The following RTF1 variants were observed in gnomAD, a reference collection of about 807,000 sequenced individuals.
RTF1 encodes RNA polymerase-associated protein RTF1 homolog.
In RTF1, 10 loss-of-function variants were observed where a neutral mutation model predicts 95.7. The ratio of observed to expected loss-of-function variants is 0.10; its 90% CI spans 0.06 to 0.18. The LOEUF (loss-of-function observed/expected upper bound fraction) is 0.18. Ranked by LOEUF, RTF1 falls within the 10% of genes least tolerant of loss-of-function variation. The pLI is 1.00. For synonymous variants in RTF1, 305 were observed against 311.8 expected (o/e 0.98, Z 0.23); for missense variants, 458 against 875.6 (o/e 0.52, Z 6.02).
chr15:41,459,408 T>A (rs2050836215), intron 4 of RTF1, among the ~76,000 whole-genome samples: 1 of 152,170 alleles, frequency 6.6e-6, no homozygotes, highest in South Asian at 2.1e-4. Flanking sequence ...AGAGATTGTT[T>A]TTGTCTTGAT....
At chr15:41,476,566 G>C (rs1243988929) in intron 12 of RTF1, 43 bp downstream of exon 12, 1 of 1,549,068 alleles carries the variant, frequency 6.5e-7, no homozygotes, top group South Asian at 1.1e-5. Context: ...CCTGTAAGGA[G>C]ATGTGGAAAT....
chr15:41,433,007 CT>C (rs2050683233), intron 1 of RTF1, among the ~76,000 whole-genome samples: 1 of 152,030 alleles, frequency 6.6e-6, no homozygotes, highest in Non-Finnish European at 1.5e-5. Context: ...AATCCCAACA[CT>C]TTGGGAGGCT....
At chr15:41,460,121 G>GTTTTTTTTTTTT (rs869235078) in intron 4 of RTF1, among the ~76,000 whole-genome samples, 18 of 83,400 alleles carry the variant, frequency 2.2e-4, no homozygotes, top group East Asian at 5.6e-4. Flanking sequence ...TTTTGTTTTT[G>GTTTTTTTTTTTT]TTTTTTTTTT....
intron 6 of RTF1, among the ~76,000 whole-genome samples, chr15:41,468,437 C>T (rs534281310): frequency 6.6e-6 from 1 of 152,122 alleles, no homozygotes; most frequent in Non-Finnish European, 1.5e-5. Flanking sequence ...CCTGCCTCAG[C>T]CTCCTGAGTA....
At chr15:41,458,693 G>A (rs1349308643) in intron 4 of RTF1, among the ~76,000 whole-genome samples, 2 of 152,112 alleles carry the variant, frequency 1.3e-5, no homozygotes, top group African/African-American at 2.4e-5. Context: ...AGGTTGCAGT[G>A]AGCTGAGATG....
rs761735334 is a variant in RTF1, at chr15:41,471,174, A to G, written c.1028A>G (p.Lys343Arg). The G allele has an allele frequency of 4.4e-6, 7 of 1,601,508 alleles. No homozygotes were observed. The highest frequency in any genetic ancestry group is 6.0e-6 in the Non-Finnish European group (7 of 1,175,332). The change falls in exon 8 of 18, where the codon AAA becomes AGA. Residue 343 changes from lysine to arginine, a missense_variant and splice_region_variant. This residue lies in a region of RTF1 where 150 missense variants were observed against 275.7 expected (regional missense o/e 0.54). Coordinates refer to ENST00000389629, the MANE Select transcript of RTF1 (RefSeq NM_015138.5). ...RTSSSDEEEEKEEIPPKSQPV... is the reference protein window; with the variant it reads ...RTSSSDEEEEREEIPPKSQPV... ...CAGTGCCCCTTTGTTCCTCTTAGGA[A>G]AGAAGAGATCCCTCCCAAATCCCAA...
intron 1 of RTF1, among the ~76,000 whole-genome samples, chr15:41,423,705 CA>C (rs369938595): frequency 1.7e-4 from 26 of 152,122 alleles, no homozygotes; most frequent in African/African-American, 6.3e-4. Context: ...AGGAAAAATA[CA>C]AAACTGATCT....
At position 41,443,940 on chromosome 15, in the gene RTF1, C is replaced by T. The variant is rs1215060828; in HGVS notation, c.309+5509C>T. ...AAAATTAGCCGGGCGTGGTGGCGGG[C>T]GCCTGTAGTCCCAGCTACTCTGGAG... On this transcript the variant is annotated intron_variant, in intron 2 of 17. Coordinates refer to ENST00000389629, the MANE Select transcript of RTF1 (RefSeq NM_015138.5). 1.4e-4 allele frequency among the ~76,000 whole-genome samples: 21 copies of T among 151,644 alleles called. No homozygotes were observed. The East Asian group carries it at 2.9e-3, about 21-fold the overall frequency.
intron 1 of RTF1, among the ~76,000 whole-genome samples, chr15:41,417,520 T>G (rs1450080184): frequency 6.6e-6 from 1 of 151,994 alleles, no homozygotes; most frequent in African/African-American, 2.4e-5. Flanking sequence ...CCCCGAGGAC[T>G]TGGCGCCTTG....
chr15:41,430,773 G>A (rs2050665652), intron 1 of RTF1, among the ~76,000 whole-genome samples: 2 of 152,092 alleles, frequency 1.3e-5, no homozygotes, highest in African/African-American at 4.8e-5. Context: ...AAAGGACTGA[G>A]CTAAAAAGTA....
At chr15:41,476,647 A>C in intron 12 of RTF1, 124 bp downstream of exon 12, 1 of 842,476 alleles carries the variant, frequency 1.2e-6, no homozygotes, top group East Asian at 2.6e-5. Flanking sequence ...GATTATAAGC[A>C]ACACAGTGTG....
In RTF1 at chr15:41,475,848, A is replaced by T. The variant is rs941848454; in HGVS notation, c.1482+29A>T. 3 of 1,136,848 alleles carry T rather than the reference A, an allele frequency of 2.6e-6. No individual in the cohort carries two copies. The East Asian group carries it at 7.1e-5, about 27-fold the overall frequency. 70.4% of individuals were successfully genotyped at this position (1,136,848 alleles called of 1,614,324 possible). On this transcript the variant is annotated intron_variant, in intron 11 of 17. Transcript: ENST00000389629. Reference sequence around the variant, plus strand: ...AGAAAACTGGTGCCCCAGAACCCGGAGGTTCATCAAGAACCAGTGTTGAGA... The same window carrying T: ...AGAAAACTGGTGCCCCAGAACCCGGTGGTTCATCAAGAACCAGTGTTGAGA...
At chr15:41,441,433 A>T (rs142060728) in intron 2 of RTF1, among the ~76,000 whole-genome samples, 1 of 152,292 alleles carries the variant, frequency 6.6e-6, no homozygotes, top group Non-Finnish European at 1.5e-5. Context: ...AGATACAAGC[A>T]GTAAGTCTGC....
chr15:41,430,399 T>G (rs1274392507), intron 1 of RTF1, among the ~76,000 whole-genome samples: 3 of 151,796 alleles, frequency 2.0e-5, no homozygotes, highest in African/African-American at 7.3e-5. Flanking sequence ...GGGAAGACTT[T>G]TTTGTTGCAT....
chr15:41,427,803 G>T (rs898549794), intron 1 of RTF1, among the ~76,000 whole-genome samples: 1 of 151,164 alleles, frequency 6.6e-6, no homozygotes, highest in African/African-American at 2.4e-5. Context: ...ATTTTTTTTT[G>T]AAATGGAGTT....
chr15:41,439,366 C>G (rs1472186227), intron 2 of RTF1, among the ~76,000 whole-genome samples: 1 of 152,064 alleles, frequency 6.6e-6, no homozygotes, highest in Non-Finnish European at 1.5e-5. Context: ...TCTTTTTAAT[C>G]TCACTTTCAA....
chr15:41,428,469 T>C (rs888054033), intron 1 of RTF1, among the ~76,000 whole-genome samples: 18 of 150,870 alleles, frequency 1.2e-4, no homozygotes, highest in Non-Finnish European at 3.0e-5. Flanking sequence ...GGGGTTTCAC[T>C]GTGTTAGCCA....
At chr15:41,466,909 A>G (rs2050883526) in intron 6 of RTF1, among the ~76,000 whole-genome samples, 1 of 152,156 alleles carries the variant, frequency 6.6e-6, no homozygotes, top group African/African-American at 2.4e-5. Context: ...GGTTTCCTGT[A>G]AATGGTTAGT....
intron 1 of RTF1, among the ~76,000 whole-genome samples, chr15:41,426,455 G>A (rs1324308852): frequency 4.6e-5 from 7 of 151,810 alleles, no homozygotes; most frequent in Non-Finnish European, 7.4e-5. Context: ...ACAGGCGTGC[G>A]CCACCATGCC....
Sources: allele counts gnomAD v4.1 joint callset (sites outside exome capture counted in the v4.1 genomes callset), GRCh38; gene constraint gnomAD v4.1.1; regional missense constraint gnomAD v4.1.1; transcripts MANE v1.5; gene names NCBI Gene and HGNC (gene_info 2026-07-23, HGNC 2026-07-21).